The following SOX6 variants were observed in gnomAD, a reference collection of about 807,000 sequenced individuals.
The protein encoded by SOX6 is SRY-box transcription factor 6.
In SOX6, 11 loss-of-function variants were observed where a neutral mutation model predicts 97.8. The ratio of observed to expected loss-of-function variants is 0.11; its 90% CI spans 0.07 to 0.19. The LOEUF is 0.19. Ranked by LOEUF, SOX6 falls within the 10% of genes least tolerant of loss-of-function variation. SOX6 has a pLI of 1.00. For synonymous variants in SOX6, 360 were observed against 371.4 expected (o/e 0.97, Z 0.35); for missense variants, 810 against 1,039.5 (o/e 0.78, Z 3.04).
At chr11:16,188,459 T>C (rs570099392) in intron 4 of SOX6, among the ~76,000 whole-genome samples, 5 of 152,188 alleles carry the variant, frequency 3.3e-5, no homozygotes, top group African/African-American at 1.2e-4. Context: ...AATTTCATCT[T>C]GGTAAAAGGA....
rs550980883 is a variant in SOX6 at position 16,236,980 on chromosome 11, A to G, written c.446-2309T>C. On this transcript the variant is annotated intron_variant, in intron 3 of 15. Transcript: ENST00000683767. Reference sequence around the variant, plus strand: ...TAGCTATATGAGTTCCCATTTCAGTAGAAGAAATTGAGGGAAAAAATAAAG... The same window carrying G: ...TAGCTATATGAGTTCCCATTTCAGTGGAAGAAATTGAGGGAAAAAATAAAG... 7.6e-4 allele frequency among the ~76,000 whole-genome samples: 116 copies of G among 152,148 alleles called. 1 individual carries two copies. The highest frequency in any genetic ancestry group is 3.4e-3 in the Middle Eastern group (1 of 294).
chr11:16,507,956 T>C (rs945689333), intron 4 of SOX6, among the ~76,000 whole-genome samples: 4 of 151,996 alleles, frequency 2.6e-5, no homozygotes, highest in African/African-American at 9.7e-5. Context: ...ATACGTGGAA[T>C]GGGAGAAAAT....
At chr11:16,719,278 T>C (rs956713691) in intron 2 of SOX6, among the ~76,000 whole-genome samples, 1 of 152,168 alleles carries the variant, frequency 6.6e-6, no homozygotes, top group African/African-American at 2.4e-5. Flanking sequence ...AGGAATCATT[T>C]GCGTTGTTAT....
At chr11:16,575,773 C>G (rs1383469523) in intron 4 of SOX6, among the ~76,000 whole-genome samples, 1 of 152,100 alleles carries the variant, frequency 6.6e-6, no homozygotes, top group Non-Finnish European at 1.5e-5. Flanking sequence ...TAAATACCAA[C>G]AGGGAGTATG....
In SOX6 at chr11:16,182,396, C is replaced by G. The variant is rs11023864; in HGVS notation, c.777+1490G>C. On this transcript the variant is annotated intron_variant, in intron 6 of 15. Coordinates refer to ENST00000683767, the MANE Select transcript of SOX6 (RefSeq NM_001367873.1). ...TTATTTAACACCTACTGAGTTCCTA[C>G]AGAGGGATCTACAGAAAAATGTAGG... Among the ~76,000 whole-genome samples, 1,215 of 151,874 alleles carry G rather than the reference C, an allele frequency of 8.0e-3. 12 individuals carry two copies. The highest frequency in any genetic ancestry group is 0.028 in the African/African-American group (1,156 of 41,500).
chr11:16,359,760 A>C (rs990483824), upstream of SOX6, among the ~76,000 whole-genome samples: 1 of 152,188 alleles, frequency 6.6e-6, no homozygotes, highest in Non-Finnish European at 1.5e-5. Flanking sequence ...GGAAATATCA[A>C]AGAAGAAGAG....
intron 4 of SOX6, among the ~76,000 whole-genome samples, chr11:16,595,048 T>G (rs1848196836): frequency 6.6e-6 from 1 of 152,224 alleles, no homozygotes. Flanking sequence ...AGATGTTCTT[T>G]AAATATGATG....
intron 1 of SOX6, among the ~76,000 whole-genome samples, chr11:16,341,958 G>T (rs1367991754): frequency 6.6e-6 from 1 of 151,934 alleles, no homozygotes; most frequent in African/African-American, 2.4e-5. Flanking sequence ...CAATTTTGTA[G>T]CATTTGAATT....
intron 1 of SOX6, among the ~76,000 whole-genome samples, chr11:16,365,346 A>G (rs35742324): frequency 6.6e-6 from 1 of 150,938 alleles, no homozygotes; most frequent in African/African-American, 2.4e-5. Flanking sequence ...TGTATCTTGT[A>G]TGGTATAAAA....
chr11:16,549,146 T>C (rs1847651397), intron 4 of SOX6, among the ~76,000 whole-genome samples: 1 of 152,150 alleles, frequency 6.6e-6, no homozygotes, highest in Admixed American at 6.6e-5. Flanking sequence ...GATACAGTAC[T>C]AATAGAAGTC....
At chr11:16,681,225 C>T (rs1847925003) in intron 3 of SOX6, among the ~76,000 whole-genome samples, 1 of 152,180 alleles carries the variant, frequency 6.6e-6, no homozygotes, top group South Asian at 2.1e-4. Flanking sequence ...CACTTCTTAG[C>T]AAATGTAAAA....
intron 1 of SOX6, among the ~76,000 whole-genome samples, chr11:16,423,839 T>C (rs1260297212): frequency 6.6e-6 from 1 of 152,096 alleles, no homozygotes; most frequent in African/African-American, 2.4e-5. Flanking sequence ...GAAAACAGCA[T>C]AGAAAGAACT....
chr11:16,597,204 T>C (rs1204589900), intron 4 of SOX6, among the ~76,000 whole-genome samples: 1 of 152,026 alleles, frequency 6.6e-6, no homozygotes, highest in African/African-American at 2.4e-5. Context: ...TATAAGAGAA[T>C]TAAGAGACTT....
intron 6 of SOX6, among the ~76,000 whole-genome samples, chr11:16,157,693 T>C (rs911404254): frequency 2.6e-5 from 4 of 152,034 alleles, no homozygotes; most frequent in African/African-American, 9.7e-5. Flanking sequence ...GGTGCATAGC[T>C]ATACTCTAGC....
chr11:16,064,958 T>C (rs1213953620), intron 9 of SOX6, among the ~76,000 whole-genome samples: 3 of 151,920 alleles, frequency 2.0e-5, no homozygotes, highest in African/African-American at 7.2e-5. Context: ...ATCTGGAACA[T>C]GACAAAGATG....
At chr11:15,974,334 A>G (rs1478685613) in intron 15 of SOX6, among the ~76,000 whole-genome samples, 1 of 144,906 alleles carries the variant, frequency 6.9e-6, no homozygotes, top group Admixed American at 6.8e-5. Context: ...GAAGTAGCTT[A>G]GCTACCTGCC....
intron 7 of SOX6, among the ~76,000 whole-genome samples, chr11:16,103,256 A>T (rs1848994644): frequency 6.6e-6 from 1 of 152,162 alleles, no homozygotes; most frequent in South Asian, 2.1e-4. Flanking sequence ...CAAATGGCCA[A>T]TGATCATATA....
At chr11:16,138,449 TC>T (rs1467178554) in intron 6 of SOX6, among the ~76,000 whole-genome samples, 31 of 152,306 alleles carry the variant, frequency 2.0e-4, no homozygotes, top group African/African-American at 7.5e-4. Flanking sequence ...TCATGTGTCA[TC>T]ATGCCTTCTT....
At chr11:15,975,144 T>C (rs1000942375) in intron 15 of SOX6, among the ~76,000 whole-genome samples, 5 of 152,228 alleles carry the variant, frequency 3.3e-5, no homozygotes, top group African/African-American at 1.2e-4. Context: ...GGTGAGTTTT[T>C]TGGTTGCCTG....
Sources: allele counts gnomAD v4.1 joint callset (sites outside exome capture counted in the v4.1 genomes callset), GRCh38; gene constraint gnomAD v4.1.1; transcripts MANE v1.5; gene names NCBI Gene and HGNC (gene_info 2026-07-23, HGNC 2026-07-21).